The following BRAF variants were observed in gnomAD, a reference collection of about 807,000 sequenced individuals.
BRAF encodes B-Raf proto-oncogene, serine/threonine kinase, also known as serine/threonine-protein kinase B-raf.
BRAF carries 16 observed loss-of-function variants against 104.6 expected under a neutral mutation model. The ratio of observed to expected loss-of-function variants is 0.15; its 90% CI spans 0.10 to 0.23. BRAF has a LOEUF of 0.23. BRAF is among the 10% of genes least tolerant of loss of function. The pLI is 1.00. For synonymous variants in BRAF, 310 were observed against 341.6 expected, an observed-to-expected ratio of 0.91 and a Z score of 1.02; for missense variants, 541 against 937.3, an observed-to-expected ratio of 0.58 and a Z score of 5.52.
intron 12 of BRAF, chr7:140,780,490 C>A (rs982647919): frequency 3.3e-5 from 5 of 152,152 alleles, no homozygotes; most frequent in African/African-American, 1.2e-4. Context: ...GATCCACCTG[C>A]CTCGGCCTCC....
At chr7:140,717,824 T>C (rs1483352370), downstream of BRAF, among the ~76,000 whole-genome samples, 1 of 152,216 alleles carries the variant, frequency 6.6e-6, no homozygotes, top group East Asian at 1.9e-4. Context: ...CTATGATGTT[T>C]ATATTATAGA....
chr7:140,799,009 C>T (rs1802802500), intron 7 of BRAF: 1 of 173,664 alleles, frequency 5.8e-6, no homozygotes, highest in Non-Finnish European at 1.2e-5. Flanking sequence ...TCATGCCCAG[C>T]TAATTTTTTT....
In BRAF at chr7:140,719,628, T is replaced by A. The variant is rs992381483; in HGVS notation, c.*6866A>T. The A allele has an allele frequency of 1.6e-4, 173 of 1,062,520 alleles. No individual in the cohort carries two copies. The highest frequency in any genetic ancestry group is 1.9e-4 in the Non-Finnish European group (169 of 877,396). The allele number at this position is 1,062,520 out of a possible 1,614,324, so 65.8% of individuals were successfully genotyped here. On this transcript the variant is annotated 3_prime_UTR_variant, in exon 20 of 20. Coordinates refer to ENST00000644969, the MANE Select transcript of BRAF (RefSeq NM_001374258.1). ...GGGTATGGGGGAGAATTAAAAAAAA[T>A]AATAAAAGATTCAAGCAAACATTGA...
At chr7:140,794,515 A>G (rs762359112) in intron 7 of BRAF, 48 bp from the exon 8 acceptor site, 13 of 1,576,092 alleles carry the variant, frequency 8.2e-6, no homozygotes, top group African/African-American at 1.4e-5. Context: ...TAACGATATA[A>G]AGGTAATAAT....
chr7:140,748,595 A>C (rs934378535), intron 17 of BRAF, among the ~76,000 whole-genome samples: 1 of 152,194 alleles, frequency 6.6e-6, no homozygotes, highest in African/African-American at 2.4e-5. Context: ...CTACACACAC[A>C]ATCACAAATC....
rs1795255697 is a variant in BRAF, at chr7:140,720,234, A to T, written c.*6260T>A. 3.8e-6 allele frequency: 4 copies of T among 1,062,710 alleles called. No individual in the cohort carries two copies. The highest frequency in any genetic ancestry group is 1.6e-5 in the African/African-American group (1 of 60,930). 65.8% of individuals were successfully genotyped at this position (1,062,710 alleles called of 1,614,324 possible). A position where few individuals can be genotyped will look rare whatever the true frequency, so the allele number is the denominator to read the frequency against. On this transcript the variant is annotated 3_prime_UTR_variant, in exon 20 of 20. Coordinates refer to ENST00000644969, the MANE Select transcript of BRAF (RefSeq NM_001374258.1). ...CAACAAATGAGATTACCACAAATAC[A>T]TATCACTGTGATACAGTCCTCAAAA...
rs183233777 is a variant in BRAF, at chr7:140,842,996, T to C, written c.240+7115A>G. Among the ~76,000 whole-genome samples, 15 of 152,354 alleles carry C rather than the reference T, an allele frequency of 9.8e-5. No individual in the cohort carries two copies. The East Asian group carries it at 2.7e-3, about 27-fold the overall frequency. Reference sequence around the variant, plus strand: ...ATAAGTAGTTGAAGATTTATCTTCCTATAGAAACTTAAAAGGGGTTTCTGT... The same window carrying C: ...ATAAGTAGTTGAAGATTTATCTTCCCATAGAAACTTAAAAGGGGTTTCTGT... On this transcript the variant is annotated intron_variant, in intron 2 of 19. Coordinates refer to ENST00000644969, the MANE Select transcript of BRAF (RefSeq NM_001374258.1).
intron 1 of BRAF, among the ~76,000 whole-genome samples, chr7:140,918,340 A>G (rs1278398705): frequency 6.6e-6 from 1 of 152,094 alleles, no homozygotes; most frequent in African/African-American, 2.4e-5. Context: ...TTAGATTCTC[A>G]CAAGAAGCAC....
intron 1 of BRAF, among the ~76,000 whole-genome samples, chr7:140,859,598 A>C (rs532040026): frequency 6.6e-6 from 1 of 152,234 alleles, no homozygotes; most frequent in South Asian, 2.1e-4. Context: ...AATGATGTCA[A>C]TTTTCCACAA....
In BRAF at chr7:140,832,480, G is replaced by A. The variant is rs546908332; in HGVS notation, c.504+2129C>T. ...TTAATAAGAATTGAGAGAAGAAAAG[G>A]AGAGGAAAAGAGGTAGTTAAGAAAA... On this transcript the variant is annotated intron_variant, in intron 3 of 19. Transcript: ENST00000644969. Among the ~76,000 whole-genome samples, 25 of 152,306 alleles carry A rather than the reference G, an allele frequency of 1.6e-4. 2 individuals are homozygous for A. In the South Asian group the frequency reaches 4.8e-3, roughly 29 times the overall value.
intron 14 of BRAF, among the ~76,000 whole-genome samples, chr7:140,757,436 C>T (rs892216348): frequency 7.9e-5 from 12 of 151,998 alleles, no homozygotes; most frequent in South Asian, 4.2e-4. Flanking sequence ...ACTACAGGCG[C>T]GCGCCACCAT....
intron 1 of BRAF, among the ~76,000 whole-genome samples, chr7:140,864,119 T>C (rs917076815): frequency 6.6e-6 from 1 of 152,168 alleles, no homozygotes; most frequent in Non-Finnish European, 1.5e-5. Context: ...CAAGAATGAA[T>C]GCAGGGAGGA....
At chr7:140,774,168 T>C (rs1181113884) in intron 14 of BRAF, among the ~76,000 whole-genome samples, 1 of 152,230 alleles carries the variant, frequency 6.6e-6, no homozygotes, top group Admixed American at 6.5e-5. Flanking sequence ...AAAAGTATAC[T>C]CTGCTGGAGG....
chr7:140,904,757 C>T (rs1016762630), intron 1 of BRAF, among the ~76,000 whole-genome samples: 3 of 152,044 alleles, frequency 2.0e-5, no homozygotes, highest in Non-Finnish European at 4.4e-5. Flanking sequence ...TACAGGCATG[C>T]ACCACCACGC....
At chr7:140,760,566 A>C (rs1798609140) in intron 14 of BRAF, among the ~76,000 whole-genome samples, 2 of 152,142 alleles carry the variant, frequency 1.3e-5, no homozygotes, top group Admixed American at 6.6e-5. Flanking sequence ...AAGGAAGAAG[A>C]GGAATGAGGT....
At chr7:140,762,603 G>GTTTT (rs774057622) in intron 14 of BRAF, among the ~76,000 whole-genome samples, 33 of 96,196 alleles carry the variant, frequency 3.4e-4, no homozygotes, top group African/African-American at 4.9e-4. Context: ...TCCAGGAGCT[G>GTTTT]TTTTTTTTTT....
At position 140,734,623 on chromosome 7, in the gene BRAF, C is replaced by G. The variant is rs2130867675; in HGVS notation, c.2395G>C (p.Gly799Arg). The G allele has an allele frequency of 6.2e-7, 1 of 1,613,370 alleles. No homozygotes were observed. The highest frequency in any genetic ancestry group is 8.5e-7 in the Non-Finnish European group (1 of 1,179,876). The change falls in exon 19 of 20, where the codon GGA (glycine) becomes CGA (arginine). Residue 799 changes from glycine (G) to arginine (R), a missense_variant. Around this residue, in one of 10 missense-constraint regions of BRAF, gnomAD observed 129 missense variants for 285.8 expected, o/e 0.45. Coordinates refer to ENST00000644969, the MANE Select transcript of BRAF (RefSeq NM_001374258.1). Reference sequence around the variant, plus strand: ...CAGTGGACAGGAAACGCACCATATCCCCCTGCCTGGATGGGTGTTTTTGGA... The same window carrying G: ...CAGTGGACAGGAAACGCACCATATCGCCCTGCCTGGATGGGTGTTTTTGGA... ...ASPKTPIQAG[G>R]YGEFAAFK
chr7:140,810,194 A>C (rs1223356305), intron 3 of BRAF, among the ~76,000 whole-genome samples: 1 of 152,162 alleles, frequency 6.6e-6, no homozygotes, highest in Non-Finnish European at 1.5e-5. Flanking sequence ...TAATATATTG[A>C]AGGGGGAAAG....
chr7:140,821,052 G>A (rs1042829175), intron 3 of BRAF, among the ~76,000 whole-genome samples: 5 of 152,204 alleles, frequency 3.3e-5, no homozygotes, highest in African/African-American at 4.8e-5. Flanking sequence ...TCAGGCTGGA[G>A]TGCAGCAGCA....
Sources: allele counts gnomAD v4.1 joint callset (sites outside exome capture counted in the v4.1 genomes callset), GRCh38; gene constraint gnomAD v4.1.1; regional missense constraint gnomAD v4.1.1; transcripts MANE v1.5; gene names NCBI Gene and HGNC (gene_info 2026-07-23, HGNC 2026-07-21).